The following SLC35B4 variants were observed in gnomAD, a reference collection of about 807,000 sequenced individuals.
The protein encoded by SLC35B4 is solute carrier family 35 member B4.
In SLC35B4, 28 loss-of-function variants were observed where a neutral mutation model predicts 39.5. That is an observed-to-expected ratio of 0.71 (90% confidence interval 0.53 to 0.97). The LOEUF is 0.97. SLC35B4 is among the 50% of genes least tolerant of loss of function. The pLI, the probability that SLC35B4 is intolerant of heterozygous loss-of-function variation, is 0.00. For synonymous variants in SLC35B4, 145 were observed against 150.4 expected (o/e 0.96, Z 0.26); for missense variants, 334 against 414.3 (o/e 0.81, Z 1.68).
chr7:134,300,068 C>T lies in SLC35B4; in HGVS notation c.597+84G>A. On this transcript the variant is annotated intron_variant, in intron 7 of 9. Coordinates refer to ENST00000378509, the MANE Select transcript of SLC35B4 (RefSeq NM_032826.5). ...TCTACCAATAATACACCTTCAACTA[C>T]ATCAGAGAATATTAATAGTTCACTT... 7.0e-6 allele frequency: 7 copies of T among 1,005,250 alleles called. 1 individual carries two copies. In the South Asian group the frequency reaches 1.1e-4, roughly 16 times the overall value. 62.3% of individuals were successfully genotyped at this position (1,005,250 alleles called of 1,614,324 possible).
At chr7:134,310,022 G>T (rs1296516978) in intron 1 of SLC35B4, among the ~76,000 whole-genome samples, 1 of 152,172 alleles carries the variant, frequency 6.6e-6, no homozygotes, top group African/African-American at 2.4e-5. Context: ...TCTTGGGATG[G>T]GGGAGATATC....
chr7:134,307,024 T>C (rs181720239), intron 2 of SLC35B4, among the ~76,000 whole-genome samples: 3 of 152,326 alleles, frequency 2.0e-5, no homozygotes, highest in East Asian at 1.9e-4. Context: ...CAAGTATACA[T>C]AGCAACTTAA....
At chr7:134,300,084 T>C in intron 7 of SLC35B4, 68 bp downstream of exon 7, 2 of 1,106,280 alleles carry the variant, frequency 1.8e-6, no homozygotes, top group Non-Finnish European at 2.7e-6. Flanking sequence ...AGAATATTAA[T>C]AGTTCACTTG....
At chr7:134,304,403 A>G (rs1480040448) in intron 4 of SLC35B4, among the ~76,000 whole-genome samples, 1 of 152,218 alleles carries the variant, frequency 6.6e-6, no homozygotes, top group African/African-American at 2.4e-5. Context: ...AAAAAAAGAA[A>G]AAAAAATGTA....
chr7:134,297,565 G>A (rs1355543860), intron 8 of SLC35B4, among the ~76,000 whole-genome samples: 2 of 151,730 alleles, frequency 1.3e-5, no homozygotes, highest in African/African-American at 4.9e-5. Flanking sequence ...AGATTTTATA[G>A]CCACATAAAA....
upstream of SLC35B4, chr7:134,317,063 C>A: frequency 2.9e-6 from 1 of 347,014 alleles, no homozygotes. Context: ...CAGGCAGCTC[C>A]GCCAGAGAGG....
At chr7:134,301,917 C>G in intron 5 of SLC35B4, 96 bp from the exon 6 acceptor site, 1 of 1,507,414 alleles carries the variant, frequency 6.6e-7, no homozygotes, top group Admixed American at 1.7e-5. Context: ...TTTCCCTCCC[C>G]TCTTCTCTTT....
chr7:134,309,874 T>C (rs1803795034), intron 1 of SLC35B4, among the ~76,000 whole-genome samples: 1 of 152,144 alleles, frequency 6.6e-6, no homozygotes, highest in South Asian at 2.1e-4. Flanking sequence ...GGGACAGAAA[T>C]ATGCTCAGGT....
chr7:134,295,115 T>C, intron 9 of SLC35B4, 36 bp from the exon 10 acceptor site: 1 of 1,602,966 alleles, frequency 6.2e-7, no homozygotes, highest in African/African-American at 1.3e-5. Flanking sequence ...TTCTGTAGAC[T>C]GTACTTGGGG....
At chr7:134,316,468 C>T (rs1476401174) in intron 1 of SLC35B4, among the ~76,000 whole-genome samples, 1 of 152,258 alleles carries the variant, frequency 6.6e-6, no homozygotes, top group Non-Finnish European at 1.5e-5. Context: ...GGACTGCCGC[C>T]GGTGCGCAGT....
intron 9 of SLC35B4, among the ~76,000 whole-genome samples, chr7:134,295,431 C>T (rs58697504): frequency 0.019 from 2,923 of 152,180 alleles, 116 homozygotes; most frequent in African/African-American, 0.068. Context: ...TCTATCCCCT[C>T]CTCCAGAAAG....
Position 134,293,128 on chromosome 7 carries a change from C to G in SLC35B4, c.*1705G>C, listed in dbSNP as rs998176812. ...TCAGTTTAAGAACACAATGTGTGCA[C>G]CACACACACACACATACATACACAC... On this transcript the variant is annotated 3_prime_UTR_variant, in exon 10 of 10. Transcript: ENST00000378509. 1 of 131,098 alleles carries G rather than the reference C, an allele frequency of 7.6e-6. No individual in the cohort carries two copies. The highest frequency in any genetic ancestry group is 8.2e-5 in the Admixed American group (1 of 12,200). The allele number at this position is 131,098 out of a possible 1,614,324, so 8.1% of individuals were successfully genotyped here.
chr7:134,302,174 A>ATATT (rs2117293625), intron 4 of SLC35B4, 64 bp from the exon 5 acceptor site: 4 of 1,352,220 alleles, frequency 3.0e-6, no homozygotes, highest in Admixed American at 1.9e-5. Flanking sequence ...TTTCCCAGTG[A>ATATT]TATTTACAGT....
At position 134,292,721 on chromosome 7, in the gene SLC35B4, T is replaced by C. The variant is rs1803359899; in HGVS notation, c.*2112A>G. 1 of 152,082 alleles carries C rather than the reference T, an allele frequency of 6.6e-6. No homozygotes were observed. The highest frequency in any genetic ancestry group is 1.5e-5 in the Non-Finnish European group (1 of 68,020). The allele number at this position is 152,082 out of a possible 1,614,324, so 9.4% of individuals were successfully genotyped here. A position where few individuals can be genotyped will look rare whatever the true frequency, so the allele number is the denominator to read the frequency against. The stretch of plus-strand genomic sequence containing the variant: ...AGTAGCTTTTGTTGCTTTTAAAAGG[T>C]TATTTAACACTTGGATATTTCTAGC... On this transcript the variant is annotated 3_prime_UTR_variant, in exon 10 of 10. Transcript: ENST00000378509.
chr7:134,316,773 G>A lies in SLC35B4; in HGVS notation c.-22C>T, dbSNP rs568002416. The A allele has an allele frequency of 1.0e-5, 16 of 1,543,382 alleles. No individual in the cohort carries two copies. The highest frequency in any genetic ancestry group is 5.9e-5 in the Admixed American group (3 of 50,954). ...GCATGGCCGGTGCAGGGTTGGGGAA[G>A]CAAGCGCACAGAGTAAGCGCCCGCC... On this transcript the variant is annotated 5_prime_UTR_variant, in exon 1 of 10. Coordinates refer to ENST00000378509, the MANE Select transcript of SLC35B4 (RefSeq NM_032826.5).
At chr7:134,312,818 C>A (rs1278556020) in intron 1 of SLC35B4, among the ~76,000 whole-genome samples, 1 of 152,104 alleles carries the variant, frequency 6.6e-6, no homozygotes, top group East Asian at 1.9e-4. Context: ...CGGTCAACGG[C>A]AAATAAATGG....
chr7:134,311,305 T>C (rs1311452769), intron 1 of SLC35B4, among the ~76,000 whole-genome samples: 1 of 152,118 alleles, frequency 6.6e-6, no homozygotes, highest in African/African-American at 2.4e-5. Context: ...CTCTAGATGG[T>C]TCCTAGCACG....
chr7:134,303,400 A>T (rs1490983913), intron 4 of SLC35B4, among the ~76,000 whole-genome samples: 1 of 152,160 alleles, frequency 6.6e-6, no homozygotes, highest in African/African-American at 2.4e-5. Flanking sequence ...GCCTGTCCCA[A>T]GGCGAATTCC....
Position 134,309,377 on chromosome 7 carries a change from A to G in SLC35B4, c.180T>C (p.Ala60=). The change falls in exon 2 of 10, where the codon GCT becomes GCC. Residue 60 remains alanine (A), a synonymous_variant. Transcript: ENST00000378509. ...FEADLGRKPP[A]IPIRYYAIMV... Reference sequence around the variant, plus strand: ...CTAATGTACCATACCTTATTGGGATAGCTGGTGGCTTCCTTCCCAAATCAG... The same window carrying G: ...CTAATGTACCATACCTTATTGGGATGGCTGGTGGCTTCCTTCCCAAATCAG... The G allele has an allele frequency of 6.2e-7, 1 of 1,606,794 alleles. No homozygotes were observed. Among genetic ancestry groups the G allele is most frequent in the Non-Finnish European group, 8.5e-7 (1 of 1,176,730 alleles).
Sources: gnomAD v4.1 joint callset for allele counts (sites outside exome capture counted in the v4.1 genomes callset) on GRCh38, gnomAD v4.1.1 for gene constraint, MANE v1.5 for transcripts, NCBI Gene and HGNC (gene_info 2026-07-23, HGNC 2026-07-21) for gene names.